Variants in WDR7 observed in about 807,000 individuals in gnomAD.
WDR7 encodes the protein WD repeat domain 7, also known as WD repeat-containing protein 7.
WDR7 carries 46 observed loss-of-function variants against 169.4 expected under a neutral mutation model. The ratio of observed to expected loss-of-function variants is 0.27; its 90% CI spans 0.21 to 0.35. The LOEUF is 0.35. WDR7 is among the 10% of genes least tolerant of loss of function. The probability of loss-of-function intolerance (pLI) is 1.00; values close to 1 mark genes in which losing one functional copy is unlikely to be tolerated. For synonymous variants in WDR7, 612 were observed against 666.8 expected, an observed-to-expected ratio of 0.92 and a Z score of 1.27; for missense variants, 1,534 against 1,859.3, an observed-to-expected ratio of 0.83 and a Z score of 3.22.
At chr18:56,983,563 A>G (rs1326051395) in intron 26 of WDR7, among the ~76,000 whole-genome samples, 1 of 76,252 alleles carries the variant, frequency 1.3e-5, no homozygotes, top group East Asian at 2.0e-4. Context: ...ATAAACACAC[A>G]CACACACAGA....
intron 21 of WDR7, among the ~76,000 whole-genome samples, chr18:56,899,724 A>G (rs987503841): frequency 1.3e-5 from 2 of 152,076 alleles, no homozygotes; most frequent in African/African-American, 4.8e-5. Flanking sequence ...AAAAAAAATC[A>G]TTCTAGACTG....
At chr18:56,916,695 G>A (rs1186027295) in intron 21 of WDR7, among the ~76,000 whole-genome samples, 1 of 152,174 alleles carries the variant, frequency 6.6e-6, no homozygotes, top group Non-Finnish European at 1.5e-5. Flanking sequence ...AGAAAATAAA[G>A]GTGTGAGGCA....
At chr18:56,856,611 C>T (rs1005344404) in intron 20 of WDR7, among the ~76,000 whole-genome samples, 10 of 151,684 alleles carry the variant, frequency 6.6e-5, no homozygotes, top group African/African-American at 2.4e-4. Context: ...TAATGATCAA[C>T]ATTTTATTTA....
At chr18:57,002,555 A>C (rs1254170221) in intron 26 of WDR7, among the ~76,000 whole-genome samples, 1 of 152,214 alleles carries the variant, frequency 6.6e-6, no homozygotes, top group African/African-American at 2.4e-5. Flanking sequence ...TGAAGAGGAT[A>C]TAAGAAGCTA....
chr18:56,970,237 T>G (rs1342874797), intron 26 of WDR7, among the ~76,000 whole-genome samples: 2 of 115,236 alleles, frequency 1.7e-5, no homozygotes, highest in Admixed American at 8.1e-5. Context: ...TTTTGGTTTG[T>G]TTTTTTTTTT....
At chr18:56,661,437 T>C (rs138377121) in intron 1 of WDR7, among the ~76,000 whole-genome samples, 1 of 152,334 alleles carries the variant, frequency 6.6e-6, no homozygotes, top group African/African-American at 2.4e-5. Flanking sequence ...TGAATCACTT[T>C]TAAAATGTGA....
intron 26 of WDR7, among the ~76,000 whole-genome samples, chr18:56,977,377 T>C (rs761725589): frequency 1.3e-5 from 2 of 152,212 alleles, no homozygotes; most frequent in Non-Finnish European, 2.9e-5. Context: ...GAGTGCAGGA[T>C]AAGCCTTGGA....
intron 21 of WDR7, among the ~76,000 whole-genome samples, chr18:56,921,590 C>G (rs191604328): frequency 2.0e-3 from 303 of 152,220 alleles, no homozygotes; most frequent in African/African-American, 6.9e-3. Flanking sequence ...CACAGTGAGG[C>G]CATGCTTGAC....
At chr18:56,893,925 C>T (rs974624647) in intron 21 of WDR7, among the ~76,000 whole-genome samples, 1 of 151,984 alleles carries the variant, frequency 6.6e-6, no homozygotes, top group African/African-American at 2.4e-5. Context: ...TGTTATATAG[C>T]CTTCAAAAAC....
In WDR7 at chr18:56,962,423, A is replaced by G; in HGVS notation, c.4065-7A>G. The G allele has an allele frequency of 6.2e-7, 1 of 1,612,490 alleles. No individual in the cohort carries two copies. Among genetic ancestry groups the G allele is most frequent in the Non-Finnish European group, 8.5e-7 (1 of 1,178,966 alleles). ...TTTTGTTTTTGTTGTTAAAATGTTC[A>G]ACTCAGGTTCTACATGGTCAGCTAT... is the stretch of plus-strand genomic sequence containing the variant. On this transcript the variant is annotated splice_polypyrimidine_tract_variant and splice_region_variant and intron_variant, in intron 25 of 27. Coordinates refer to ENST00000254442, the MANE Select transcript of WDR7 (RefSeq NM_015285.3).
chr18:56,868,244 C>T (rs902293169), intron 20 of WDR7, among the ~76,000 whole-genome samples: 1 of 152,064 alleles, frequency 6.6e-6, no homozygotes, highest in Non-Finnish European at 1.5e-5. Flanking sequence ...CTTTTAGTCA[C>T]ATGTCATTGT....
chr18:56,672,418 G>A, intron 1 of WDR7, 79 bp from the exon 2 acceptor site: 1 of 1,005,848 alleles, frequency 9.9e-7, no homozygotes, highest in Non-Finnish European at 1.3e-6. Context: ...TTTTCAAATT[G>A]TTGGTTTTAT....
chr18:56,845,473 G>A (rs1376733879), intron 20 of WDR7, among the ~76,000 whole-genome samples: 2 of 152,038 alleles, frequency 1.3e-5, no homozygotes, highest in Admixed American at 6.6e-5. Context: ...ATAAATCTCT[G>A]TTTACTAATA....
chr18:56,848,127 A>C (rs2045592646), intron 20 of WDR7, among the ~76,000 whole-genome samples: 1 of 152,216 alleles, frequency 6.6e-6, no homozygotes, highest in Admixed American at 6.5e-5. Context: ...GCACCTTGCA[A>C]AACCACTAGG....
chr18:56,986,691 T>G (rs939537071), intron 26 of WDR7, among the ~76,000 whole-genome samples: 1 of 151,952 alleles, frequency 6.6e-6, no homozygotes, highest in Non-Finnish European at 1.5e-5. Context: ...TTTCAGTTTA[T>G]GTCCACTTGA....
chr18:56,922,845 T>G (rs1407243062), intron 21 of WDR7, among the ~76,000 whole-genome samples: 1 of 152,206 alleles, frequency 6.6e-6, no homozygotes. Context: ...ATAAAAATTA[T>G]TATATACTTT....
intron 12 of WDR7, among the ~76,000 whole-genome samples, chr18:56,712,869 A>T (rs1371326971): frequency 6.6e-6 from 1 of 152,120 alleles, no homozygotes. Flanking sequence ...TTATTTTTTA[A>T]TCTTAGGAAA....
chr18:56,958,219 C>T (rs1299945729), intron 25 of WDR7, among the ~76,000 whole-genome samples: 1 of 152,168 alleles, frequency 6.6e-6, no homozygotes, highest in Admixed American at 6.5e-5. Flanking sequence ...AACCATCCCT[C>T]TCCGGGGTTT....
intron 20 of WDR7, chr18:56,874,006 A>G (rs2045988155): frequency 6.6e-6 from 1 of 152,176 alleles, no homozygotes; most frequent in African/African-American, 2.4e-5. Flanking sequence ...TTTCCTTTGA[A>G]CTATTGTTAT....
Sources: allele counts gnomAD v4.1 joint callset (sites outside exome capture counted in the v4.1 genomes callset), GRCh38; gene constraint gnomAD v4.1.1; transcripts MANE v1.5; gene names NCBI Gene and HGNC (gene_info 2026-07-23, HGNC 2026-07-21).